Variants in FHIT observed in about 807,000 individuals in gnomAD.
FHIT encodes bis(5'-adenosyl)-triphosphatase.
A neutral mutation model predicts 17.9 loss-of-function variants in FHIT; 19 were observed. The observed-to-expected ratio is 1.06, with a 90% CI of 0.74 to 1.56. FHIT has a LOEUF of 1.56. Ranked by LOEUF, FHIT falls within the 40% of genes most tolerant of loss-of-function variation. The pLI is 0.00. For synonymous variants in FHIT, 81 were observed against 69.7 expected (o/e 1.16, Z -0.81); for missense variants, 248 against 189.2 (o/e 1.31, Z -1.82).
chr3:60,226,063 G>A (rs1348898927), intron 5 of FHIT, among the ~76,000 whole-genome samples: 1 of 152,154 alleles, frequency 6.6e-6, no homozygotes, highest in Non-Finnish European at 1.5e-5. Context: ...CACAGGGAGA[G>A]AAAGGGTGAG....
intron 5 of FHIT, among the ~76,000 whole-genome samples, chr3:60,360,549 C>T (rs1395196085): frequency 3.3e-5 from 5 of 152,114 alleles, no homozygotes; most frequent in Non-Finnish European, 5.9e-5. Context: ...AGGCATATAA[C>T]TTCACTGAGA....
intron 3 of FHIT, among the ~76,000 whole-genome samples, chr3:60,922,221 G>C (rs1192401285): frequency 6.6e-6 from 1 of 152,190 alleles, no homozygotes; most frequent in African/African-American, 2.4e-5. Flanking sequence ...GATGTCAAGG[G>C]AGGTAATTAT....
At chr3:60,477,757 G>A (rs968972864) in intron 5 of FHIT, among the ~76,000 whole-genome samples, 1 of 152,164 alleles carries the variant, frequency 6.6e-6, no homozygotes, top group Non-Finnish European at 1.5e-5. Context: ...CAGGAATCAG[G>A]TAGAGACCAT....
chr3:60,154,717 G>T (rs1700604935), intron 5 of FHIT, among the ~76,000 whole-genome samples: 1 of 152,090 alleles, frequency 6.6e-6, no homozygotes, highest in African/African-American at 2.4e-5. Context: ...TGATTAAAAG[G>T]CACAATTAAT....
Position 60,655,174 on chromosome 3 carries a change from G to A in FHIT, c.-17-118195C>T, listed in dbSNP as rs960412287. ...ATAAATAAGTGTTAACTAGCAATAT[G>A]GAAGTAAGACCAGGAATGTTGAAAA... On this transcript the variant is annotated intron_variant, in intron 4 of 9. Transcript: ENST00000492590. Among the ~76,000 whole-genome samples the A allele has an allele frequency of 7.2e-5, 11 of 152,166 alleles. No homozygotes were observed. The South Asian group carries it at 1.0e-3, about 14-fold the overall frequency.
At chr3:60,298,273 A>G (rs535955508) in intron 5 of FHIT, among the ~76,000 whole-genome samples, 7 of 152,194 alleles carry the variant, frequency 4.6e-5, no homozygotes, top group African/African-American at 1.7e-4. Flanking sequence ...CCCTAGAGTC[A>G]GGAGATAAGG....
At chr3:60,462,926 T>C (rs990373972) in intron 5 of FHIT, among the ~76,000 whole-genome samples, 1 of 152,172 alleles carries the variant, frequency 6.6e-6, no homozygotes, top group Non-Finnish European at 1.5e-5. Flanking sequence ...ACTCCATGTA[T>C]TCCTGGTCAT....
At chr3:60,546,798 G>A (rs1229367981) in intron 4 of FHIT, among the ~76,000 whole-genome samples, 3 of 152,078 alleles carry the variant, frequency 2.0e-5, no homozygotes, top group African/African-American at 7.2e-5. Flanking sequence ...TTTGAAAATA[G>A]TAGATAATGA....
intron 4 of FHIT, among the ~76,000 whole-genome samples, chr3:60,600,571 AAAAC>A (rs1440651693): frequency 5.9e-5 from 9 of 152,290 alleles, no homozygotes; most frequent in African/African-American, 2.2e-4. Context: ...CTAAGAAAAG[AAAAC>A]AAAGATTCTG....
intron 5 of FHIT, among the ~76,000 whole-genome samples, chr3:60,077,739 G>GAGA (rs56848166): frequency 0.2 from 13,380 of 68,316 alleles, 751 homozygotes; most frequent in Non-Finnish European, 0.28. Context: ...CATATATAGA[G>GAGA]GGGGGGGGGA....
chr3:60,814,655 C>A (rs1701674518), intron 4 of FHIT, among the ~76,000 whole-genome samples: 1 of 152,142 alleles, frequency 6.6e-6, no homozygotes, highest in Non-Finnish European at 1.5e-5. Context: ...GTGAATAGTG[C>A]TGTGACAATG....
intron 2 of FHIT, among the ~76,000 whole-genome samples, chr3:61,093,423 T>C (rs2035545011): frequency 6.6e-6 from 1 of 152,284 alleles, no homozygotes; most frequent in Middle Eastern, 3.4e-3. Context: ...CCAGGCATGC[T>C]GCTTACAGGG....
chr3:60,290,523 C>A (rs984464181), intron 5 of FHIT, among the ~76,000 whole-genome samples: 6 of 151,920 alleles, frequency 3.9e-5, no homozygotes, highest in Non-Finnish European at 8.8e-5. Flanking sequence ...TGCCAACAAC[C>A]GTGTGAGTGA....
intron 4 of FHIT, chr3:60,690,248 T>C: frequency 1.9e-6 from 1 of 538,570 alleles, no homozygotes; most frequent in Non-Finnish European, 3.6e-6. Context: ...CAGTCAGCAA[T>C]AGTGACCTTC....
chr3:60,614,611 T>A (rs1013898243), intron 4 of FHIT, among the ~76,000 whole-genome samples: 3 of 147,296 alleles, frequency 2.0e-5, no homozygotes, highest in African/African-American at 5.0e-5. Flanking sequence ...TCAAAAAAAA[T>A]TAATAAATAA....
chr3:59,974,032 T>C (rs963805318), intron 7 of FHIT, among the ~76,000 whole-genome samples: 1 of 151,390 alleles, frequency 6.6e-6, no homozygotes, highest in Non-Finnish European at 1.5e-5. Context: ...TAAGGAAGAA[T>C]ATGGTTCTCT....
At chr3:59,841,766 G>A (rs1701542267) in intron 8 of FHIT, among the ~76,000 whole-genome samples, 1 of 152,062 alleles carries the variant, frequency 6.6e-6, no homozygotes, top group Admixed American at 6.6e-5. Flanking sequence ...TTAATAAACA[G>A]AAACCAGCCA....
chr3:61,049,024 T>C (rs1359222326), intron 2 of FHIT, among the ~76,000 whole-genome samples: 1 of 151,936 alleles, frequency 6.6e-6, no homozygotes, highest in Non-Finnish European at 1.5e-5. Flanking sequence ...TACCTAATGC[T>C]AAATGATGAG....
At chr3:60,635,939 A>G (rs1349165207) in intron 4 of FHIT, among the ~76,000 whole-genome samples, 2 of 152,186 alleles carry the variant, frequency 1.3e-5, no homozygotes, top group African/African-American at 4.8e-5. Flanking sequence ...GGTCATACAC[A>G]CAGGCCACAG....
Sources: gnomAD v4.1 joint callset for allele counts (sites outside exome capture counted in the v4.1 genomes callset) on GRCh38, gnomAD v4.1.1 for gene constraint, MANE v1.5 for transcripts, NCBI Gene and HGNC (gene_info 2026-07-23, HGNC 2026-07-21) for gene names.